The following ADAM12 variants were observed in gnomAD, a reference collection of about 807,000 sequenced individuals.
The protein encoded by ADAM12 is ADAM metallopeptidase domain 12.
In ADAM12, 70 loss-of-function variants were observed where a neutral mutation model predicts 106.4. The ratio of observed to expected loss-of-function variants is 0.66; its 90% CI spans 0.54 to 0.80. The LOEUF (loss-of-function observed/expected upper bound fraction) is 0.80, where lower values mean the gene tolerates loss of function less well. ADAM12 is among the 30% of genes least tolerant of loss of function. The pLI is 0.00. For missense variants in ADAM12, 1,010 were observed against 1,171.9 expected (o/e 0.86, Z 2.02); for synonymous variants, 420 against 433.5 (o/e 0.97, Z 0.39).
intron 3 of ADAM12, among the ~76,000 whole-genome samples, chr10:126,164,911 G>A (rs1956997881): frequency 6.6e-6 from 1 of 152,184 alleles, no homozygotes; most frequent in African/African-American, 2.4e-5. Context: ...TGAAAAAGAA[G>A]TATCGAAGAC....
chr10:126,270,270 A>C (rs1000096799), intron 3 of ADAM12, among the ~76,000 whole-genome samples: 3 of 152,092 alleles, frequency 2.0e-5, no homozygotes, highest in Admixed American at 6.5e-5. Flanking sequence ...GGCTTTTTAC[A>C]CTGCAGGCAT....
intron 2 of ADAM12, among the ~76,000 whole-genome samples, chr10:126,301,493 G>A (rs1960622341): frequency 6.6e-6 from 1 of 152,160 alleles, no homozygotes; most frequent in South Asian, 2.1e-4. Context: ...GAGGTTTCCT[G>A]AGAGTTAGGC....
chr10:126,308,052 C>T (rs1327806865), intron 2 of ADAM12, among the ~76,000 whole-genome samples: 1 of 152,186 alleles, frequency 6.6e-6, no homozygotes. Context: ...TCTCACTTGC[C>T]AGGAATTGAG....
At chr10:126,196,314 C>G (rs1400348456) in intron 3 of ADAM12, among the ~76,000 whole-genome samples, 1 of 152,182 alleles carries the variant, frequency 6.6e-6, no homozygotes, top group East Asian at 1.9e-4. Flanking sequence ...GTTTCATTGC[C>G]TGGAAGAACA....
chr10:126,022,628 T>A (rs561863473), intron 21 of ADAM12, among the ~76,000 whole-genome samples: 1 of 152,330 alleles, frequency 6.6e-6, no homozygotes, highest in East Asian at 1.9e-4. Context: ...TAGGTGTTGC[T>A]TTTCATTCTG....
At chr10:126,335,764 TGCTTTA>T (rs1854677612) in intron 1 of ADAM12, among the ~76,000 whole-genome samples, 1 of 152,182 alleles carries the variant, frequency 6.6e-6, no homozygotes, top group South Asian at 2.1e-4. Context: ...TGACAAACCC[TGCTTTA>T]GCCAGATGGT....
chr10:126,236,968 A>G (rs1958429919), intron 3 of ADAM12, among the ~76,000 whole-genome samples: 1 of 152,150 alleles, frequency 6.6e-6, no homozygotes, highest in African/African-American at 2.4e-5. Flanking sequence ...GCTGACCAGA[A>G]GCCTCCTGCT....
intron 2 of ADAM12, among the ~76,000 whole-genome samples, chr10:126,280,236 T>A (rs546455262): frequency 6.6e-6 from 1 of 151,872 alleles, no homozygotes; most frequent in South Asian, 2.1e-4. Flanking sequence ...GAAAAAAAAA[T>A]GAGTTAAGGC....
chr10:126,163,477 T>C (rs1283887894), intron 3 of ADAM12, among the ~76,000 whole-genome samples: 2 of 152,274 alleles, frequency 1.3e-5, no homozygotes, highest in East Asian at 1.9e-4. Flanking sequence ...TTCTTCCTGA[T>C]AAAATGTCCT....
At chr10:126,073,752 G>A (rs1955046629) in intron 11 of ADAM12, among the ~76,000 whole-genome samples, 2 of 152,184 alleles carry the variant, frequency 1.3e-5, no homozygotes, top group African/African-American at 4.8e-5. Context: ...GCTCCTCTGT[G>A]GATGCAAAGG....
At chr10:126,231,935 T>C (rs1958320278) in intron 3 of ADAM12, among the ~76,000 whole-genome samples, 1 of 152,164 alleles carries the variant, frequency 6.6e-6, no homozygotes, top group Non-Finnish European at 1.5e-5. Flanking sequence ...TCAGCCTGAA[T>C]TCTAGACATA....
intron 10 of ADAM12, among the ~76,000 whole-genome samples, chr10:126,094,963 A>G (rs1004416707): frequency 6.6e-6 from 1 of 152,232 alleles, no homozygotes; most frequent in Non-Finnish European, 1.5e-5. Flanking sequence ...ACTAAAAAAT[A>G]TAGTTACTTA....
chr10:126,074,434 G>A (rs1004649267), intron 11 of ADAM12, among the ~76,000 whole-genome samples: 1 of 152,034 alleles, frequency 6.6e-6, no homozygotes, highest in African/African-American at 2.4e-5. Flanking sequence ...GGTTTTTTGG[G>A]GGTTTCCCAT....
intron 2 of ADAM12, among the ~76,000 whole-genome samples, chr10:126,292,978 C>A (rs1960221361): frequency 6.6e-6 from 1 of 152,154 alleles, no homozygotes; most frequent in Admixed American, 6.5e-5. Context: ...CTGGGTGGGG[C>A]CCAAGCATTT....
At chr10:126,116,260 G>T (rs1446091640) in intron 6 of ADAM12, among the ~76,000 whole-genome samples, 1 of 152,280 alleles carries the variant, frequency 6.6e-6, no homozygotes, top group Non-Finnish European at 1.5e-5. Context: ...ATCTTGTAAC[G>T]TGGGCAACGT....
chr10:126,288,659 C>A (rs1454274024), intron 2 of ADAM12, among the ~76,000 whole-genome samples: 2 of 151,868 alleles, frequency 1.3e-5, no homozygotes, highest in Middle Eastern at 3.4e-3. Flanking sequence ...GACATGGTGG[C>A]CCTAAGGACA....
intron 1 of ADAM12, among the ~76,000 whole-genome samples, chr10:126,357,233 AAAG>A (rs1239879267): frequency 1.3e-5 from 2 of 152,150 alleles, no homozygotes; most frequent in African/African-American, 4.8e-5. Flanking sequence ...CTTTATATAC[AAAG>A]AAGTCTCAAT....
At chr10:126,387,912 C>T (rs1462593004) in intron 1 of ADAM12, 146 bp downstream of exon 1, 4 of 1,104,896 alleles carry the variant, frequency 3.6e-6, no homozygotes, top group African/African-American at 3.3e-5. Context: ...TCGGTCTCGC[C>T]GCGCTGGAAG....
chr10:126,227,181 T>C (rs1273541354), intron 3 of ADAM12, among the ~76,000 whole-genome samples: 2 of 151,870 alleles, frequency 1.3e-5, no homozygotes, highest in Middle Eastern at 3.2e-3. Context: ...ATAATCACCA[T>C]ATCACCATTA....
Sources: gnomAD v4.1 joint callset for allele counts (sites outside exome capture counted in the v4.1 genomes callset) on GRCh38, gnomAD v4.1.1 for gene constraint, MANE v1.5 for transcripts, NCBI Gene and HGNC (gene_info 2026-07-23, HGNC 2026-07-21) for gene names.